Variants in MYOM2 observed in about 807,000 individuals in gnomAD.
MYOM2 encodes the protein myomesin 2, also known as myomesin-2.
A neutral mutation model predicts 187.6 loss-of-function variants in MYOM2; 254 were observed. The observed-to-expected ratio is 1.35, with a 90% CI of 1.22 to 1.50. MYOM2 has a LOEUF of 1.50. MYOM2 is among the 40% of genes most tolerant of loss of function. MYOM2 has a pLI of 0.00. For missense variants in MYOM2, 2,796 were observed against 1,924.0 expected (o/e 1.45, Z -8.48); for synonymous variants, 981 against 753.8 (o/e 1.30, Z -4.94).
intron 25 of MYOM2, among the ~76,000 whole-genome samples, chr8:2,110,423 A>G (rs141550759): frequency 6.8e-4 from 104 of 152,234 alleles, no homozygotes; most frequent in African/African-American, 2.3e-3. Flanking sequence ...TATGTCAGGT[A>G]CTCCTTATTT....
chr8:2,129,160 C>G lies in MYOM2; in HGVS notation c.3728C>G (p.Thr1243Ser), dbSNP rs147670971. Reference protein sequence around the residue: ...KSASPLKVLCTPEGIRLQCFM... With the variant: ...KSASPLKVLCSPEGIRLQCFM... ...GCTTCGCCACTGAAGGTACTCTGCA[C>G]CCCAGAAGGAATACGACTTCAGTGT... The change falls in exon 32 of 37, where the codon ACC becomes AGC. Residue 1243 changes from threonine to serine, a missense_variant. Physicochemically the swap from Thr to Ser is moderately conservative, Grantham distance 58. Transcript: ENST00000262113. The G allele has an allele frequency of 1.4e-5, 23 of 1,611,602 alleles. No individual in the cohort carries two copies. Among genetic ancestry groups the G allele is most frequent in the Non-Finnish European group, 2.0e-5 (23 of 1,177,976 alleles).
rs144367302 is a variant in MYOM2, at chr8:2,116,349, C to T, written c.3385+74C>T. 2.9e-5 allele frequency: 41 copies of T among 1,425,216 alleles called. No homozygotes were observed. In the East Asian group the frequency reaches 8.3e-4, roughly 29 times the overall value. 88.3% of individuals were successfully genotyped at this position (1,425,216 alleles called of 1,614,324 possible). ...AGATGATTGGAGTATTTGTCAGAAGCAGATCTTGCATGATCCCAAGCAACC... is the reference window on the plus strand; with the variant it reads ...AGATGATTGGAGTATTTGTCAGAAGTAGATCTTGCATGATCCCAAGCAACC... On this transcript the variant is annotated intron_variant, in intron 27 of 36. Coordinates refer to ENST00000262113, the MANE Select transcript of MYOM2 (RefSeq NM_003970.4).
chr8:2,052,642 G>A (rs969977239), intron 3 of MYOM2, among the ~76,000 whole-genome samples: 4 of 152,194 alleles, frequency 2.6e-5, no homozygotes, highest in East Asian at 1.9e-4. Flanking sequence ...TCCAGGGTCC[G>A]TGGCTTCCAA....
intron 13 of MYOM2, among the ~76,000 whole-genome samples, chr8:2,083,862 C>A (rs964588739): frequency 3.9e-5 from 6 of 152,222 alleles, no homozygotes; most frequent in African/African-American, 1.4e-4. Flanking sequence ...TCTTCCTTCT[C>A]ACCTTGTCAT....
chr8:2,086,312 A>T (rs1474905681), intron 14 of MYOM2, among the ~76,000 whole-genome samples: 2,087 of 14,542 alleles, frequency 0.14, 290 homozygotes, highest in African/African-American at 0.2. Flanking sequence ...GGCCCCCCAC[A>T]GTCGTGATCT....
At chr8:2,085,065 G>A (rs11776195) in intron 13 of MYOM2, 198 bp from the exon 14 acceptor site, 18,716 of 613,678 alleles carry the variant, frequency 0.03, 409 homozygotes, top group South Asian at 0.047. Flanking sequence ...TGTATTGGAA[G>A]CAAAACTAAC....
intron 6 of MYOM2, among the ~76,000 whole-genome samples, chr8:2,060,854 G>C (rs1818829269): frequency 6.6e-6 from 1 of 152,122 alleles, no homozygotes; most frequent in Non-Finnish European, 1.5e-5. Context: ...CACAGGGAGG[G>C]ATTCTTGCTC....
Position 2,092,365 on chromosome 8 carries a change from T to A in MYOM2, c.1848T>A (p.Gly616=). 1 of 1,613,978 alleles carries A rather than the reference T, an allele frequency of 6.2e-7. No homozygotes were observed. The highest frequency in any genetic ancestry group is 8.5e-7 in the Non-Finnish European group (1 of 1,179,960). The change falls in exon 16 of 37, where the codon GGT becomes GGA. Residue 616 remains glycine, a synonymous_variant. Transcript: ENST00000262113. ...GAAAAGTTGTCCCTTCTGCTCCGGG[T>A]CGGGTTCTTGCTTCCCGAAACACCA... The part of the protein sequence containing the change: ...QDVTVVPSAP[G]RVLASRNTKT...
At position 2,102,741 on chromosome 8, in the gene MYOM2, C is replaced by G. The variant is rs147185978; in HGVS notation, c.2694C>G (p.Pro898=). The G allele has an allele frequency of 1.3e-5, 21 of 1,613,948 alleles. No homozygotes were observed. In the East Asian group the frequency reaches 4.0e-4, roughly 31 times the overall value. Residue 898 remains proline, a synonymous_variant, in exon 21 of 37, where the codon CCC becomes CCG. Transcript: ENST00000262113. ...RAVNANGVGK[P]SDTSEPVLVE... is the part of the protein sequence containing the mutation. ...TCAATGCAAATGGCGTGGGGAAGCC[C>G]TCAGACACGTCGGAGCCTGTGCTGG... is the stretch of plus-strand genomic sequence containing the variant.
intron 6 of MYOM2, among the ~76,000 whole-genome samples, chr8:2,065,891 G>A (rs980839926): frequency 6.6e-6 from 1 of 152,154 alleles, no homozygotes; most frequent in African/African-American, 2.4e-5. Context: ...GTTTAAAAAC[G>A]GCTAAAACAC....
chr8:2,095,177 C>G (rs546059186), intron 17 of MYOM2, among the ~76,000 whole-genome samples: 4 of 152,230 alleles, frequency 2.6e-5, no homozygotes, highest in African/African-American at 9.6e-5. Flanking sequence ...TAGCTAGGTA[C>G]AATAGCGCTG....
At position 2,140,581 on chromosome 8, in the gene MYOM2, C is replaced by G. The variant is rs62501378; in HGVS notation, c.3801-142C>G. On this transcript the variant is annotated intron_variant, in intron 32 of 36. Transcript: ENST00000262113. ...GAGTTACTGATGTGGTCAATACATT[C>G]GTAACAGCCAGAATAATCTATTGTG... 2,054 of 738,592 alleles carry G rather than the reference C, an allele frequency of 2.8e-3. 35 individuals carry two copies. In the African/African-American group the frequency reaches 0.033, roughly 12 times the overall value. The allele number at this position is 738,592 out of a possible 1,614,324, so 45.8% of individuals were successfully genotyped here.
At chr8:2,124,750 G>T (rs1563072639) in intron 31 of MYOM2, among the ~76,000 whole-genome samples, 2 of 152,068 alleles carry the variant, frequency 1.3e-5, no homozygotes, top group African/African-American at 2.4e-5. Flanking sequence ...CTGCTTGCCA[G>T]TGTTTTATCT....
At chr8:2,110,480 C>T (rs1797032261) in intron 25 of MYOM2, among the ~76,000 whole-genome samples, 1 of 152,176 alleles carries the variant, frequency 6.6e-6, no homozygotes, top group Non-Finnish European at 1.5e-5. Flanking sequence ...CAATAAATTT[C>T]CTCTTTTCTA....
At chr8:2,124,099 T>C in intron 30 of MYOM2, 80 bp from the exon 31 acceptor site, 1 of 1,354,616 alleles carries the variant, frequency 7.4e-7, no homozygotes, top group Non-Finnish European at 1.0e-6. Context: ...ATTTCCTGCA[T>C]CGATTTAATT....
chr8:2,107,153 C>T (rs1046014569), intron 23 of MYOM2, among the ~76,000 whole-genome samples: 1 of 152,148 alleles, frequency 6.6e-6, no homozygotes, highest in Non-Finnish European at 1.5e-5. Context: ...ACCAGGCACA[C>T]AGTCTCATGC....
intron 1 of MYOM2, among the ~76,000 whole-genome samples, chr8:2,049,099 T>C (rs17064568): frequency 0.01 from 1,589 of 152,290 alleles, 29 homozygotes; most frequent in African/African-American, 0.036. Context: ...CTGCTTTTAT[T>C]GTGTTCTATG....
chr8:2,076,364 A>G, intron 11 of MYOM2, 82 bp downstream of exon 11: 1 of 1,515,398 alleles, frequency 6.6e-7, no homozygotes, highest in South Asian at 1.3e-5. Flanking sequence ...AATTTTTCTC[A>G]ATGCAGGTTG....
rs1386500335 is a variant in MYOM2, at chr8:2,098,874, A to G, written c.2331A>G (p.Glu777=). ...CTGAATAGGTGGACGGCTTGACGGAAGGCTCACTCTACGAGTTCAAAATCG... is the reference window on the plus strand; with the variant it reads ...CTGAATAGGTGGACGGCTTGACGGAGGGCTCACTCTACGAGTTCAAAATCG... ...PTILTVDGLT[E]GSLYEFKIAA... Residue 777 remains glutamate (E), a synonymous_variant, in exon 19 of 37, where the codon GAA becomes GAG. Transcript: ENST00000262113. 10 of 1,612,758 alleles carry G rather than the reference A, an allele frequency of 6.2e-6. No homozygotes were observed. The highest frequency in any genetic ancestry group is 8.5e-6 in the Non-Finnish European group (10 of 1,179,310).
Sources: allele counts gnomAD v4.1 joint callset (sites outside exome capture counted in the v4.1 genomes callset), GRCh38; gene constraint gnomAD v4.1.1; transcripts MANE v1.5; gene names NCBI Gene and HGNC (gene_info 2026-07-23, HGNC 2026-07-21).